Variants in GLRA2 observed in about 807,000 individuals in gnomAD.
The protein encoded by GLRA2 is glycine receptor alpha 2, also known as glycine receptor subunit alpha-2.
In GLRA2, 11 loss-of-function variants were observed where a neutral mutation model predicts 31.6. The observed-to-expected ratio is 0.35, with a 90% confidence interval of 0.22 to 0.58. The LOEUF (loss-of-function observed/expected upper bound fraction) is 0.58, where lower values mean the gene tolerates loss of function less well. GLRA2 is among the 20% of genes least tolerant of loss of function. GLRA2 has a pLI of 0.84. For synonymous variants in GLRA2, 132 were observed against 134.0 expected (o/e 0.99, Z 0.10); for missense variants, 212 against 351.8 (o/e 0.60, Z 3.18).
rs188657852 is a variant in GLRA2, at chrX:14,618,953, C to T, written c.930+9748C>T. ...TCGTATATTTCAAATCTTTGACTTCCTCTATACCCAGATTTAAAGGGCTTG... is the reference window on the plus strand; with the variant it reads ...TCGTATATTTCAAATCTTTGACTTCTTCTATACCCAGATTTAAAGGGCTTG... On this transcript the variant is annotated intron_variant, in intron 7 of 8. Coordinates refer to ENST00000218075, the MANE Select transcript of GLRA2 (RefSeq NM_002063.4). Among the ~76,000 whole-genome samples, 6 of 111,755 alleles carry T rather than the reference C, an allele frequency of 5.4e-5. No homozygotes were observed. The East Asian group carries it at 1.4e-3, about 26-fold the overall frequency.
At chrX:14,483,109 T>C in the GLRA2 span, among the ~76,000 whole-genome samples, 11 of 112,088 alleles carry the variant, frequency 9.8e-5, no homozygotes, top group Middle Eastern at 4.6e-3. Flanking sequence ...ATGAAAGAGA[T>C]ACCTGAATGT....
chrX:14,653,333 A>G (rs1350201918), intron 7 of GLRA2, among the ~76,000 whole-genome samples: 1 of 112,281 alleles, frequency 8.9e-6, no homozygotes, highest in Non-Finnish European at 1.9e-5. Context: ...TTACCATTCT[A>G]GATGCCATTA....
chrX:14,650,276 T>C (rs912918830), intron 7 of GLRA2, among the ~76,000 whole-genome samples: 6 of 110,893 alleles, frequency 5.4e-5, no homozygotes, highest in Non-Finnish European at 9.4e-5. Context: ...GACAAGGAAA[T>C]TGATTTTCTA....
At chrX:14,673,283 T>C (rs1372670072) in intron 7 of GLRA2, among the ~76,000 whole-genome samples, 1 of 111,338 alleles carries the variant, frequency 9.0e-6, no homozygotes, top group Non-Finnish European at 1.9e-5. Flanking sequence ...GGAAATGATT[T>C]CTCCATCACT....
chrX:14,655,652 A>G (rs775347341), intron 7 of GLRA2, among the ~76,000 whole-genome samples: 1 of 111,830 alleles, frequency 8.9e-6, no homozygotes, highest in Admixed American at 9.5e-5. Context: ...GATTTGTTCC[A>G]TTCTCAGAAT....
At chrX:14,566,299 A>G (rs2089804181) in intron 2 of GLRA2, among the ~76,000 whole-genome samples, 1 of 112,332 alleles carries the variant, frequency 8.9e-6, no homozygotes, top group African/African-American at 3.2e-5. Flanking sequence ...TGAATCAGCA[A>G]TCAGAAACCT....
chrX:14,726,111 T>C (rs1351125278), intron 8 of GLRA2, among the ~76,000 whole-genome samples: 1 of 112,583 alleles, frequency 8.9e-6, no homozygotes, highest in African/African-American at 3.2e-5. Context: ...TGAGTCTACC[T>C]GTAAATATGC....
rs146448798 is a variant in GLRA2 at position 14,730,319 on chromosome X, C to T, written c.1193C>T (p.Pro398Leu). The change falls in exon 9 of 9, where the codon CCA becomes CTA. Residue 398 changes from proline to leucine, a missense_variant. This residue lies in a region of GLRA2 where 42 missense variants were observed against 52.0 expected (regional missense o/e 0.81). Coordinates refer to ENST00000218075, the MANE Select transcript of GLRA2 (RefSeq NM_002063.4). ...AVKATPANPL[P>L]QPPKDGDAIK... is the part of the protein sequence containing the mutation. Reference sequence around the variant, plus strand: ...AAGGCCACACCTGCCAACCCACTCCCACAACCGCCAAAAGATGGAGATGCT... The same window carrying T: ...AAGGCCACACCTGCCAACCCACTCCTACAACCGCCAAAAGATGGAGATGCT... The T allele has an allele frequency of 2.2e-5, 26 of 1,208,697 alleles. No homozygotes were observed. The African/African-American group carries it at 4.0e-4, about 19-fold the overall frequency.
chrX:14,498,369 G>T, the GLRA2 span, among the ~76,000 whole-genome samples: 1 of 111,107 alleles, frequency 9.0e-6, no homozygotes, highest in Non-Finnish European at 1.9e-5. Context: ...TTATTTAAAA[G>T]AGCTATAAAT....
the GLRA2 span, among the ~76,000 whole-genome samples, chrX:14,468,854 A>G: frequency 9.1e-6 from 1 of 110,071 alleles, no homozygotes; most frequent in Non-Finnish European, 1.9e-5. Flanking sequence ...AATGATGGCC[A>G]TTCTAACTGG....
chrX:14,708,817 T>TCCCAGCTAC (rs1375234876), intron 8 of GLRA2, among the ~76,000 whole-genome samples: 1 of 111,066 alleles, frequency 9.0e-6, no homozygotes, highest in Non-Finnish European at 1.9e-5. Context: ...ATGCCTGTAA[T>TCCCAGCTAC]CCCAGCTACT....
intron 8 of GLRA2, among the ~76,000 whole-genome samples, chrX:14,700,813 GT>G (rs969724055): frequency 1.8e-5 from 2 of 109,568 alleles, no homozygotes; most frequent in Non-Finnish European, 3.8e-5. Flanking sequence ...TTTATTTAGT[GT>G]TTTTTTTAAT....
the GLRA2 span, among the ~76,000 whole-genome samples, chrX:14,523,291 G>T: frequency 9.0e-6 from 1 of 111,672 alleles, no homozygotes; most frequent in South Asian, 3.7e-4. Flanking sequence ...TTATAGAATT[G>T]AAAAGAGGTG....
chrX:14,616,403 A>C (rs2090455052), intron 7 of GLRA2, among the ~76,000 whole-genome samples: 1 of 111,323 alleles, frequency 9.0e-6, no homozygotes. Context: ...GTCTTTCGCC[A>C]TTATTAACTG....
At chrX:14,557,466 A>G (rs1159270417) in intron 2 of GLRA2, among the ~76,000 whole-genome samples, 1 of 111,991 alleles carries the variant, frequency 8.9e-6, no homozygotes, top group Non-Finnish European at 1.9e-5. Flanking sequence ...TTGCTGAAAC[A>G]TGTGAGACTT....
At chrX:14,704,904 G>T (rs1420704329) in intron 8 of GLRA2, among the ~76,000 whole-genome samples, 2 of 111,932 alleles carry the variant, frequency 1.8e-5, no homozygotes, top group African/African-American at 6.5e-5. Flanking sequence ...CTAATATGAG[G>T]TAGAGAATTT....
intron 7 of GLRA2, among the ~76,000 whole-genome samples, chrX:14,626,581 T>G (rs914541449): frequency 8.9e-5 from 10 of 111,794 alleles, no homozygotes; most frequent in Non-Finnish European, 1.7e-4. Flanking sequence ...CAGTTGCTGT[T>G]TATTGCCTCT....
the GLRA2 span, among the ~76,000 whole-genome samples, chrX:14,513,799 C>A: frequency 9.0e-6 from 1 of 111,122 alleles, no homozygotes; most frequent in Non-Finnish European, 1.9e-5. Context: ...AAAAGGGAAC[C>A]CTTATACACT....
chrX:14,620,006 T>A (rs1192599934), intron 7 of GLRA2, among the ~76,000 whole-genome samples: 3 of 108,900 alleles, frequency 2.8e-5, no homozygotes, highest in Non-Finnish European at 5.7e-5. Context: ...CCCCCCCGTT[T>A]TTTTTTTTAC....
Sources: allele counts gnomAD v4.1 joint callset (sites outside exome capture counted in the v4.1 genomes callset), GRCh38; gene constraint gnomAD v4.1.1; regional missense constraint gnomAD v4.1.1; transcripts MANE v1.5; gene names NCBI Gene and HGNC (gene_info 2026-07-23, HGNC 2026-07-21).